KCNMA1: variants seen among roughly 807,000 people sequenced by gnomAD.
KCNMA1 encodes potassium calcium-activated channel subfamily M alpha 1.
A neutral mutation model predicts 140.0 loss-of-function variants in KCNMA1; 29 were observed. The observed-to-expected ratio is 0.21, with a 90% confidence interval of 0.15 to 0.28. KCNMA1 has a LOEUF of 0.28. Among genes scored for constraint, KCNMA1 ranks in the 10% least tolerant of loss-of-function variants. The pLI, the probability that KCNMA1 is intolerant of heterozygous loss-of-function variation, is 1.00. For missense variants in KCNMA1, 880 were observed against 1,602.2 expected, an observed-to-expected ratio of 0.55 and a Z score of 7.70; for synonymous variants, 612 against 611.9, an observed-to-expected ratio of 1.00 and a Z score of 0.00.
At chr10:77,380,356 G>C (rs1017163125) in intron 2 of KCNMA1, among the ~76,000 whole-genome samples, 3 of 152,102 alleles carry the variant, frequency 2.0e-5, no homozygotes, top group African/African-American at 7.2e-5. Flanking sequence ...GCCCAGCCTG[G>C]TCTCTAATTT....
At chr10:77,343,880 A>T (rs1003671467) in intron 2 of KCNMA1, among the ~76,000 whole-genome samples, 1 of 152,232 alleles carries the variant, frequency 6.6e-6, no homozygotes, top group African/African-American at 2.4e-5. Flanking sequence ...GGAAGGAACC[A>T]GTCATTGAGG....
chr10:77,075,211 A>G (rs1284450002), intron 13 of KCNMA1, among the ~76,000 whole-genome samples: 1 of 152,130 alleles, frequency 6.6e-6, no homozygotes, highest in Non-Finnish European at 1.5e-5. Flanking sequence ...TGCAGACTCA[A>G]TTCCAACAAC....
intron 5 of KCNMA1, among the ~76,000 whole-genome samples, chr10:77,156,053 C>A (rs2098479605): frequency 6.6e-6 from 1 of 151,894 alleles, no homozygotes; most frequent in East Asian, 1.9e-4. Context: ...GGGTGAAACT[C>A]CGTCTGTACT....
chr10:77,126,014 G>A (rs2097724468), intron 5 of KCNMA1, among the ~76,000 whole-genome samples: 1 of 152,176 alleles, frequency 6.6e-6, no homozygotes, highest in Non-Finnish European at 1.5e-5. Flanking sequence ...CCCAGAAAGA[G>A]CCCAGAAGAC....
chr10:77,374,496 A>G (rs1247904309), intron 2 of KCNMA1, among the ~76,000 whole-genome samples: 7 of 152,208 alleles, frequency 4.6e-5, no homozygotes, highest in Admixed American at 4.6e-4. Context: ...ACTGCTCTCT[A>G]AACATTTACA....
chr10:77,295,205 A>C (rs543243307), intron 2 of KCNMA1, among the ~76,000 whole-genome samples: 1 of 151,490 alleles, frequency 6.6e-6, no homozygotes, highest in South Asian at 2.1e-4. Context: ...AAAATTAGCC[A>C]GCAAGGTGGT....
At chr10:77,460,207 T>C (rs531162372) in intron 1 of KCNMA1, among the ~76,000 whole-genome samples, 3 of 152,332 alleles carry the variant, frequency 2.0e-5, no homozygotes, top group African/African-American at 7.2e-5. Context: ...TATATGAATG[T>C]TCGTTGATAA....
chr10:77,381,941 A>C (rs1259110976), intron 2 of KCNMA1, among the ~76,000 whole-genome samples: 8 of 152,146 alleles, frequency 5.3e-5, no homozygotes. Context: ...ACGTCAATTA[A>C]ATCATACTGG....
rs143403116 is a variant in KCNMA1, at chr10:77,123,340, G to T, written c.809-2292C>A. On this transcript the variant is annotated intron_variant, in intron 5 of 27. Transcript: ENST00000286628. ...AACAAAAAAAATTTCAAATTCTAAG[G>T]TCTCAAAAAATACATTGTTTGCTCA... Among the ~76,000 whole-genome samples, 33 of 152,162 alleles carry T rather than the reference G, an allele frequency of 2.2e-4. No individual in the cohort carries two copies. The East Asian group carries it at 6.4e-3, about 29-fold the overall frequency.
chr10:76,944,927 G>A lies in KCNMA1; in HGVS notation c.2748C>T (p.Asn916=), dbSNP rs766016095. 1.4e-5 allele frequency: 22 copies of A among 1,613,820 alleles called. 1 individual carries two copies. The South Asian group carries it at 2.1e-4, about 15-fold the overall frequency. The part of the protein sequence containing the change: ...PLSRADLRAV[N]INLCDMCVIL... ...TAACGCACATGTCACAGAGGTTGAT[G>A]TTGACAGCCCTTAAATCAGCCCGAC... is the stretch of plus-strand genomic sequence containing the variant. The change falls in exon 23 of 28, where the codon AAC becomes AAT. Residue 916 remains asparagine (N), a synonymous_variant. Coordinates refer to ENST00000286628, the MANE Select transcript of KCNMA1 (RefSeq NM_001161352.2).
chr10:77,584,547 G>C (rs2076731537), intron 1 of KCNMA1, among the ~76,000 whole-genome samples: 1 of 151,998 alleles, frequency 6.6e-6, no homozygotes, highest in Non-Finnish European at 1.5e-5. Context: ...TAGAGACAGG[G>C]AGGGTTTCAC....
chr10:77,248,194 T>C (rs1363736913), intron 3 of KCNMA1, among the ~76,000 whole-genome samples: 1 of 152,216 alleles, frequency 6.6e-6, no homozygotes, highest in African/African-American at 2.4e-5. Context: ...CTAGCCTGCT[T>C]GTCCACTTGC....
At chr10:77,367,859 C>A (rs1671105530) in intron 2 of KCNMA1, among the ~76,000 whole-genome samples, 1 of 152,138 alleles carries the variant, frequency 6.6e-6, no homozygotes, top group South Asian at 2.1e-4. Context: ...TGAGATTCAT[C>A]CAAGTTGTTG....
chr10:77,147,526 C>T (rs1228629834), intron 5 of KCNMA1: 1 of 152,190 alleles, frequency 6.6e-6, no homozygotes, highest in East Asian at 1.9e-4. Flanking sequence ...TCATCATCAG[C>T]TAGCAGTGAA....
At chr10:77,019,524 T>C (rs970913041) in intron 16 of KCNMA1, 1 of 228,012 alleles carries the variant, frequency 4.4e-6, no homozygotes, top group African/African-American at 2.3e-5. Flanking sequence ...TGACAGAGCA[T>C]TAATGGGACC....
At chr10:77,440,598 C>CG (rs1277208599) in intron 1 of KCNMA1, among the ~76,000 whole-genome samples, 3 of 152,132 alleles carry the variant, frequency 2.0e-5, no homozygotes, top group Admixed American at 6.5e-5. Context: ...GGGAAAGATG[C>CG]TGCCAGGGAG....
intron 14 of KCNMA1, chr10:77,063,758 T>C (rs2095842523): frequency 1.0e-6 from 1 of 985,190 alleles, no homozygotes; most frequent in Non-Finnish European, 1.2e-6. Flanking sequence ...TGGATGGCAC[T>C]CAAAAAACCA....
At chr10:77,534,006 C>A in intron 1 of KCNMA1, among the ~76,000 whole-genome samples, 1 of 152,142 alleles carries the variant, frequency 6.6e-6, no homozygotes, top group East Asian at 1.9e-4. Flanking sequence ...TGGTGCTGGC[C>A]TCTAGGCCAG....
chr10:77,389,291 T>G (rs2095724460), intron 2 of KCNMA1, among the ~76,000 whole-genome samples: 1 of 152,186 alleles, frequency 6.6e-6, no homozygotes, highest in Admixed American at 6.5e-5. Context: ...AAAAATGACT[T>G]TGGCCACAGT....
Sources: gnomAD v4.1 joint callset for allele counts (sites outside exome capture counted in the v4.1 genomes callset) on GRCh38, gnomAD v4.1.1 for gene constraint, MANE v1.5 for transcripts, NCBI Gene and HGNC (gene_info 2026-07-23, HGNC 2026-07-21) for gene names.